GARIN1B: variants seen among roughly 807,000 people sequenced by gnomAD.
The protein encoded by GARIN1B is Golgi-associated RAB2 interactor protein 1B.
chr7:128,711,212 C>T, the GARIN1B span, among the ~76,000 whole-genome samples: 1 of 151,738 alleles, frequency 6.6e-6, no homozygotes, highest in African/African-American at 2.4e-5. Flanking sequence ...TAGAGCTTTA[C>T]TAAGAAATAG....
the GARIN1B span, chr7:128,719,113 C>T: frequency 6.2e-7 from 1 of 1,605,818 alleles, no homozygotes; most frequent in Non-Finnish European, 8.5e-7. Context: ...ACCCTGCAGT[C>T]AAGGCCAAAG....
At chr7:128,726,867 C>T in the GARIN1B span, 1 of 1,613,958 alleles carries the variant, frequency 6.2e-7, no homozygotes, top group South Asian at 1.1e-5. Flanking sequence ...ACAAGAACAG[C>T]TCAGGTAAGG....
chr7:128,719,882 T>C, the GARIN1B span, among the ~76,000 whole-genome samples: 1 of 151,876 alleles, frequency 6.6e-6, no homozygotes, highest in East Asian at 2.0e-4. Flanking sequence ...GTATTTTTAG[T>C]AGAGATGGGG....
chr7:128,723,293 G>A, the GARIN1B span: 60 of 1,612,676 alleles, frequency 3.7e-5, no homozygotes, highest in African/African-American at 6.1e-4. Context: ...GATTTTTGCC[G>A]ACTTACACCA....
At chr7:128,724,242 C>T in the GARIN1B span, among the ~76,000 whole-genome samples, 3 of 152,164 alleles carry the variant, frequency 2.0e-5, no homozygotes, top group Non-Finnish European at 2.9e-5. Flanking sequence ...AATTCCTGAC[C>T]TAAAGTGATC....
chr7:128,719,764 A>G, the GARIN1B span, among the ~76,000 whole-genome samples: 3 of 147,640 alleles, frequency 2.0e-5, no homozygotes, highest in Admixed American at 6.9e-5. Context: ...CAGTGGCACA[A>G]TCTTGGCTCA....
chr7:128,716,686 G>A, the GARIN1B span: 1 of 733,798 alleles, frequency 1.4e-6, no homozygotes, highest in Non-Finnish European at 2.2e-6. Context: ...GTGCAGGGCA[G>A]TATCCTACCC....
the GARIN1B span, chr7:128,723,265 G>T: frequency 1.2e-6 from 2 of 1,613,368 alleles, no homozygotes; most frequent in South Asian, 1.1e-5. Flanking sequence ...CCAAGGGGGA[G>T]AGTGAAGCCC....
the GARIN1B span, among the ~76,000 whole-genome samples, chr7:128,709,523 T>C: frequency 1.3e-4 from 20 of 152,312 alleles, no homozygotes; most frequent in East Asian, 2.3e-3. Context: ...TGGGGTCACA[T>C]ACTTTTCTTC....
chr7:128,730,636 A>G, the GARIN1B span, among the ~76,000 whole-genome samples: 437 of 148,260 alleles, frequency 2.9e-3, 2 homozygotes, highest in Non-Finnish European at 4.7e-3. Context: ...GTAAAATGTC[A>G]TGAATAAACC....
the GARIN1B span, among the ~76,000 whole-genome samples, chr7:128,712,756 AAT>A: frequency 6.6e-6 from 1 of 152,246 alleles, no homozygotes; most frequent in Admixed American, 6.5e-5. Context: ...AGGAAAAAGC[AAT>A]GTTTTCTCAA....
the GARIN1B span, chr7:128,730,003 C>T: frequency 6.2e-7 from 1 of 1,614,188 alleles, no homozygotes. Context: ...CCCCTCCGGC[C>T]TGCAGCCCCT....
chr7:128,711,658 GACACACACACAC>G, the GARIN1B span, among the ~76,000 whole-genome samples: 57 of 144,970 alleles, frequency 3.9e-4, no homozygotes, highest in Admixed American at 6.3e-4. Context: ...TGGTTTTACA[GACACACACACAC>G]ACACACACAC....
At chr7:128,716,738 G>A in the GARIN1B span, 1 of 1,313,350 alleles carries the variant, frequency 7.6e-7, no homozygotes, top group Admixed American at 2.3e-5. Context: ...TAGTGTCGAG[G>A]TTGAGAAACC....
At chr7:128,717,246 A>G in the GARIN1B span, among the ~76,000 whole-genome samples, 109,322 of 151,844 alleles carry the variant, frequency 0.72, 39,694 homozygotes, top group African/African-American at 0.78. Flanking sequence ...CTCGCTGCAC[A>G]GACGCCACTG....
At chr7:128,725,742 C>T in the GARIN1B span, among the ~76,000 whole-genome samples, 100 of 152,278 alleles carry the variant, frequency 6.6e-4, no homozygotes, top group African/African-American at 2.2e-3. Context: ...CACTCAGTCA[C>T]GTGACCTCAC....
At chr7:128,725,003 A>G in the GARIN1B span, 2 of 665,678 alleles carry the variant, frequency 3.0e-6, no homozygotes, top group Non-Finnish European at 4.2e-6. Context: ...CGCCATCCAG[A>G]TGTCAGGATC....
At chr7:128,731,370 A>G in the GARIN1B span, 30 of 557,376 alleles carry the variant, frequency 5.4e-5, no homozygotes, top group Middle Eastern at 1.0e-3. Flanking sequence ...GCCGGGCCCA[A>G]GAGATGAAGG....
At chr7:128,722,707 G>A in the GARIN1B span, among the ~76,000 whole-genome samples, 1 of 152,004 alleles carries the variant, frequency 6.6e-6, no homozygotes, top group Admixed American at 6.6e-5. Flanking sequence ...GGGAGGCTGA[G>A]GCAGGAGAAT....
Sources: gnomAD v4.1 joint callset for allele counts (sites outside exome capture counted in the v4.1 genomes callset) on GRCh38, gnomAD v4.1.1 for gene constraint, MANE v1.5 for transcripts, NCBI Gene and HGNC (gene_info 2026-07-23, HGNC 2026-07-21) for gene names.